CHODL: variants seen among roughly 807,000 people sequenced by gnomAD.
CHODL encodes transmembrane protein MT75.
In CHODL, 29 loss-of-function variants were observed where a neutral mutation model predicts 34.5. That is an observed-to-expected ratio of 0.84 (90% CI 0.63 to 1.15). The LOEUF (loss-of-function observed/expected upper bound fraction) is 1.15. Ranked by LOEUF, CHODL falls within the 50% of genes most tolerant of loss-of-function variation. The pLI, the probability that CHODL is intolerant of heterozygous loss-of-function variation, is 0.00. For synonymous variants in CHODL, 125 were observed against 116.1 expected (o/e 1.08, Z -0.49); for missense variants, 332 against 332.5 (o/e 1.00, Z 0.01).
At chr21:17,969,602 A>G (rs2824586) in intron 1 of CHODL, among the ~76,000 whole-genome samples, 51,869 of 152,048 alleles carry the variant, frequency 0.34, 9,503 homozygotes, top group East Asian at 0.67. Context: ...CATTTTTATG[A>G]GAAGGTAAAA....
intron 2 of CHODL, among the ~76,000 whole-genome samples, chr21:18,041,867 G>A (rs2064379858): frequency 6.6e-6 from 1 of 151,814 alleles, no homozygotes; most frequent in Non-Finnish European, 1.5e-5. Context: ...ATGTGCTAAA[G>A]GGAGCCAAAT....
chr21:18,056,749 A>G (rs576368816), intron 2 of CHODL, among the ~76,000 whole-genome samples: 2 of 151,674 alleles, frequency 1.3e-5, no homozygotes, highest in Non-Finnish European at 2.9e-5. Context: ...CCTTTCTGTT[A>G]TTATGCTTTT....
intron 1 of CHODL, among the ~76,000 whole-genome samples, chr21:17,961,830 A>G (rs936810471): frequency 6.6e-6 from 1 of 152,246 alleles, no homozygotes; most frequent in Admixed American, 6.5e-5. Flanking sequence ...GCTCAGTACA[A>G]GAGAGGTCAC....
At chr21:17,988,744 C>T (rs993184533) in intron 1 of CHODL, among the ~76,000 whole-genome samples, 2 of 151,234 alleles carry the variant, frequency 1.3e-5, no homozygotes, top group Non-Finnish European at 2.9e-5. Flanking sequence ...TTTTTTGTGG[C>T]TGCATAGTAT....
intron 2 of CHODL, among the ~76,000 whole-genome samples, chr21:18,214,772 A>G (rs1332437946): frequency 1.3e-5 from 2 of 152,110 alleles, no homozygotes; most frequent in Admixed American, 1.3e-4. Flanking sequence ...AGTACAGAGA[A>G]CATTTGAACT....
intron 1 of CHODL, among the ~76,000 whole-genome samples, chr21:17,981,480 G>C (rs1285365629): frequency 6.6e-6 from 1 of 152,158 alleles, no homozygotes; most frequent in Non-Finnish European, 1.5e-5. Context: ...TGACAGCTGA[G>C]GCCTCCAAAC....
chr21:18,074,466 A>G lies in CHODL; in HGVS notation c.-45+46495A>G, dbSNP rs76744832. On this transcript the variant is annotated intron_variant, in intron 2 of 6. Transcript: ENST00000400127. Reference sequence around the variant, plus strand: ...TCTTTTGAAGACAAAGTAGTAATGTATATGAGGTAATAACATACATATCGA... The same window carrying G: ...TCTTTTGAAGACAAAGTAGTAATGTGTATGAGGTAATAACATACATATCGA... 8.1e-3 allele frequency among the ~76,000 whole-genome samples: 1,231 copies of G among 152,290 alleles called. 22 individuals carry two copies. The highest frequency in any genetic ancestry group is 0.028 in the African/African-American group (1,169 of 41,572).
At chr21:18,134,092 A>G (rs559284693) in intron 2 of CHODL, among the ~76,000 whole-genome samples, 2 of 152,162 alleles carry the variant, frequency 1.3e-5, no homozygotes, top group Non-Finnish European at 2.9e-5. Context: ...CATTTACACA[A>G]TGATGAACAA....
intron 2 of CHODL, among the ~76,000 whole-genome samples, chr21:18,169,111 T>C (rs1351622647): frequency 6.6e-6 from 1 of 152,142 alleles, no homozygotes; most frequent in Non-Finnish European, 1.5e-5. Context: ...CTTCTTTAAA[T>C]GTTTGACAGA....
chr21:18,013,571 T>C (rs999020550), intron 1 of CHODL, among the ~76,000 whole-genome samples: 27 of 151,610 alleles, frequency 1.8e-4, no homozygotes, highest in African/African-American at 6.1e-4. Context: ...TTCTTTATTG[T>C]GTACCCAAGA....
rs1054817876 is a variant in CHODL, at chr21:17,977,488, C to CGAGG, written c.-144-50384_-144-50383insGAGG. Among the ~76,000 whole-genome samples, 23 of 150,690 alleles carry CGAGG rather than the reference C, an allele frequency of 1.5e-4. 1 individual carries two copies. Among genetic ancestry groups the CGAGG allele is most frequent in the Non-Finnish European group, 2.5e-4 (17 of 67,706 alleles). The stretch of plus-strand genomic sequence containing the variant: ...TCAAGCGATTCTCCTGCCTCAGCCT[C>CGAGG]CCAAGTAGCTGGGAATATGCGCCAC... On this transcript the variant is annotated intron_variant, in intron 1 of 6. Coordinates refer to the CHODL transcript ENST00000400127.
chr21:17,999,742 C>T (rs894246502), intron 1 of CHODL, among the ~76,000 whole-genome samples: 6 of 152,162 alleles, frequency 3.9e-5, no homozygotes, highest in African/African-American at 1.2e-4. Flanking sequence ...CTGGGTCCCT[C>T]CCACAACACA....
chr21:18,226,617 A>G (rs771452919), intron 2 of CHODL, among the ~76,000 whole-genome samples: 1 of 152,104 alleles, frequency 6.6e-6, no homozygotes, highest in African/African-American at 2.4e-5. Flanking sequence ...CATTTTATAT[A>G]CTAAGTAGAA....
intron 2 of CHODL, among the ~76,000 whole-genome samples, chr21:18,142,500 G>T (rs1429257871): frequency 6.6e-6 from 1 of 152,138 alleles, no homozygotes; most frequent in Non-Finnish European, 1.5e-5. Context: ...ATTAGTTAGA[G>T]TCATTTTATC....
intron 1 of CHODL, among the ~76,000 whole-genome samples, chr21:18,003,661 T>C (rs1253708908): frequency 6.6e-6 from 1 of 152,192 alleles, no homozygotes; most frequent in Non-Finnish European, 1.5e-5. Flanking sequence ...ATTTTATTTG[T>C]GTCCTTTTTT....
intron 1 of CHODL, among the ~76,000 whole-genome samples, chr21:17,977,915 T>C: frequency 5.5e-5 from 1 of 18,252 alleles, no homozygotes; most frequent in African/African-American, 5.8e-4. Context: ...AACACTCCCA[T>C]CTCAAAAAAA....
intron 2 of CHODL, among the ~76,000 whole-genome samples, chr21:18,141,185 G>A (rs2072797573): frequency 6.6e-6 from 1 of 152,028 alleles, no homozygotes; most frequent in Admixed American, 6.6e-5. Context: ...AGTAATCATG[G>A]GGACCCTTGA....
chr21:18,262,265 G>A (rs9978011), intron 4 of CHODL, among the ~76,000 whole-genome samples: 28,017 of 152,104 alleles, frequency 0.18, 3,441 homozygotes, highest in African/African-American at 0.36. Flanking sequence ...ACAGTCATGT[G>A]CCACTTAACA....
At chr21:18,242,498 G>T (rs2074091847), upstream of CHODL, among the ~76,000 whole-genome samples, 2 of 152,092 alleles carry the variant, frequency 1.3e-5, no homozygotes, top group African/African-American at 4.8e-5. Context: ...GTAACACTCA[G>T]ATTTTATATT....
Sources: gnomAD v4.1 joint callset for allele counts (sites outside exome capture counted in the v4.1 genomes callset) on GRCh38, gnomAD v4.1.1 for gene constraint, MANE v1.5 for transcripts, NCBI Gene and HGNC (gene_info 2026-07-23, HGNC 2026-07-21) for gene names.